Variants in SDC3 observed in about 807,000 individuals in gnomAD.
SDC3 encodes the protein syndecan-3.
SDC3 carries 13 observed loss-of-function variants against 24.4 expected under a neutral mutation model. The ratio of observed to expected loss-of-function variants is 0.53; its 90% CI spans 0.35 to 0.85. The LOEUF (loss-of-function observed/expected upper bound fraction) is 0.85, where lower values mean the gene tolerates loss of function less well. Among genes scored for constraint, SDC3 ranks in the 40% least tolerant of loss-of-function variants. SDC3 has a pLI of 0.01. For synonymous variants in SDC3, 295 were observed against 260.9 expected (o/e 1.13, Z -1.26); for missense variants, 571 against 584.5 (o/e 0.98, Z 0.24).
chr1:30,891,910 G>T (rs1472334468), intron 1 of SDC3, among the ~76,000 whole-genome samples: 1 of 151,070 alleles, frequency 6.6e-6, no homozygotes, highest in Non-Finnish European at 1.5e-5. Context: ...GCCTTAGACT[G>T]CCAGGCAGGG....
At position 30,874,499 on chromosome 1, in the gene SDC3, T is replaced by C. The variant is rs759033721; in HGVS notation, c.960A>G (p.Pro320=). 1.9e-6 allele frequency: 3 copies of C among 1,614,070 alleles called. No homozygotes were observed. The highest frequency in any genetic ancestry group is 1.7e-5 in the Admixed American group (1 of 60,012). Residue 320 remains proline (P), a synonymous_variant, in exon 4 of 5, where the codon CCA becomes CCG. Transcript: ENST00000339394. ...TGTCTGGTTGTGTGGTCTCTTCTTCTGGCAGCTCGAAGTCTCCACTGGGCC... is the reference window on the plus strand; with the variant it reads ...TGTCTGGTTGTGTGGTCTCTTCTTCCGGCAGCTCGAAGTCTCCACTGGGCC... The part of the protein sequence containing the change: ...SGGPSGDFEL[P]EEETTQPDTA...
chr1:30,873,539 C>T (rs1639579178), intron 4 of SDC3, among the ~76,000 whole-genome samples, 162 bp from the exon 5 acceptor site: 1 of 152,080 alleles, frequency 6.6e-6, no homozygotes, highest in African/African-American at 2.4e-5. Context: ...TGGGTACCAT[C>T]ATAGGCCTTC....
chr1:30,909,237 G>A (rs1234211716), upstream of SDC3, among the ~76,000 whole-genome samples: 1 of 152,212 alleles, frequency 6.6e-6, no homozygotes, highest in East Asian at 1.9e-4. Flanking sequence ...CAAGACCACG[G>A]GCTTTCATGC....
In SDC3 at chr1:30,873,244, C is replaced by T; in HGVS notation, c.1296G>A (p.Gln432=). The T allele has an allele frequency of 6.2e-7, 1 of 1,613,840 alleles. No homozygotes were observed. Among genetic ancestry groups the T allele is most frequent in the Non-Finnish European group, 8.5e-7 (1 of 1,179,744 alleles). The change falls in exon 5 of 5, where the codon CAG becomes CAA. Residue 432 remains glutamine, a synonymous_variant. Transcript: ENST00000339394. ...EEPKQASVTY[Q]KPDKQEEFYA ...AGAACTCCTCCTGCTTGTCAGGCTTCTGGTATGTGACGCTCGCCTGCTTGG... is the reference window on the plus strand; with the variant it reads ...AGAACTCCTCCTGCTTGTCAGGCTTTTGGTATGTGACGCTCGCCTGCTTGG...
intron 2 of SDC3, 42 bp downstream of exon 2, chr1:30,878,581 T>A (rs1219587440): frequency 6.6e-7 from 1 of 1,517,970 alleles, no homozygotes; most frequent in South Asian, 1.1e-5. Flanking sequence ...GGATACAGAC[T>A]GGTCACTGCC....
At chr1:30,874,137 G>A (rs1223759958) in intron 4 of SDC3, among the ~76,000 whole-genome samples, 160 bp downstream of exon 4, 1 of 152,154 alleles carries the variant, frequency 6.6e-6, no homozygotes, top group Admixed American at 6.5e-5. Context: ...CCAGAAGGCA[G>A]GTCCTGGGGG....
Position 30,877,084 on chromosome 1 carries a change from A to G in SDC3, c.338T>C (p.Val113Ala), listed in dbSNP as rs753197860. 5.6e-6 allele frequency: 9 copies of G among 1,613,738 alleles called. No homozygotes were observed. In the South Asian group the frequency reaches 9.9e-5, roughly 18 times the overall value. The change falls in exon 3 of 5, where the codon GTG (valine) becomes GCG (alanine). Residue 113 changes from valine to alanine, a missense_variant. By Grantham distance (64) the Val-to-Ala change is moderately conservative. Transcript: ENST00000339394. The stretch of plus-strand genomic sequence containing the variant: ...AGGCTGGATGTTCGTGGTGGGCAGC[A>G]CCGCAGGTGTGGTGGACACCGCCAG... ...VALAVSTTPA[V>A]LPTTNIQPVG...
intron 1 of SDC3, among the ~76,000 whole-genome samples, chr1:30,907,730 C>G (rs1037882362): frequency 6.6e-6 from 1 of 152,110 alleles, no homozygotes; most frequent in Non-Finnish European, 1.5e-5. Flanking sequence ...CCCCGCACCC[C>G]TCACTGAGTT....
At chr1:30,877,200 G>A (rs1466939688) in intron 2 of SDC3, 35 bp from the exon 3 acceptor site, 1 of 1,613,048 alleles carries the variant, frequency 6.2e-7, no homozygotes, top group East Asian at 2.2e-5. Flanking sequence ...GAGCTAGGGA[G>A]CTGGGTGGTT....
intron 3 of SDC3, among the ~76,000 whole-genome samples, chr1:30,875,350 C>T (rs1639620305): frequency 6.6e-6 from 1 of 152,216 alleles, no homozygotes; most frequent in Non-Finnish European, 1.5e-5. Context: ...GCACCTTCTC[C>T]TGGGCTCCGT....
intron 1 of SDC3, among the ~76,000 whole-genome samples, chr1:30,888,110 C>T (rs1276998857): frequency 6.6e-6 from 1 of 152,256 alleles, no homozygotes; most frequent in Non-Finnish European, 1.5e-5. Flanking sequence ...GCAGCCTTCA[C>T]TGAGCACACA....
At chr1:30,887,393 G>A (rs1570010019) in intron 1 of SDC3, among the ~76,000 whole-genome samples, 2 of 152,050 alleles carry the variant, frequency 1.3e-5, no homozygotes, top group African/African-American at 2.4e-5. Context: ...ACTGGGCCTC[G>A]CTCTGTCCTC....
chr1:30,907,728 C>A (rs1462423667), intron 1 of SDC3, among the ~76,000 whole-genome samples: 1 of 152,088 alleles, frequency 6.6e-6, no homozygotes, highest in East Asian at 1.9e-4. Context: ...GTCCCCGCAC[C>A]CCTCACTGAG....
chr1:30,891,863 A>AG (rs1340155099), intron 1 of SDC3, among the ~76,000 whole-genome samples: 1 of 151,418 alleles, frequency 6.6e-6, no homozygotes, highest in Non-Finnish European at 1.5e-5. Context: ...AAAAAAAAAA[A>AG]AAAGAGGAAG....
chr1:30,883,001 C>T (rs1253999736), intron 1 of SDC3, among the ~76,000 whole-genome samples: 5 of 152,174 alleles, frequency 3.3e-5, no homozygotes, highest in East Asian at 3.8e-4. Context: ...AGTGTAGCCA[C>T]GATTGCTGTT....
intron 1 of SDC3, among the ~76,000 whole-genome samples, chr1:30,896,763 A>C (rs1202821872): frequency 6.6e-6 from 1 of 152,138 alleles, no homozygotes; most frequent in Non-Finnish European, 1.5e-5. Flanking sequence ...GTAGTTCGAA[A>C]CCAGCCTGGC....
rs531087387 is a variant in SDC3 at position 30,893,214 on chromosome 1, A to G, written c.139-14474T>C. On this transcript the variant is annotated intron_variant, in intron 1 of 4. Coordinates refer to ENST00000339394, the MANE Select transcript of SDC3 (RefSeq NM_014654.4). Reference sequence around the variant, plus strand: ...TCTCTGTGCACCTCCACGGTGCCCCAGGCAGTGTGGAATGTTCCTCCCTCC... The same window carrying G: ...TCTCTGTGCACCTCCACGGTGCCCCGGGCAGTGTGGAATGTTCCTCCCTCC... Among the ~76,000 whole-genome samples the G allele has an allele frequency of 2.2e-3, 329 of 147,732 alleles. 3 individuals are homozygous for G. The highest frequency in any genetic ancestry group is 7.8e-3 in the African/African-American group (314 of 40,200).
chr1:30,890,015 A>G (rs901143330), intron 1 of SDC3, among the ~76,000 whole-genome samples: 1 of 152,236 alleles, frequency 6.6e-6, no homozygotes, highest in Non-Finnish European at 1.5e-5. Context: ...AAAAGAAAAA[A>G]AAACTAATAC....
intron 3 of SDC3, among the ~76,000 whole-genome samples, 162 bp from the exon 4 acceptor site, chr1:30,874,750 C>T (rs1332760246): frequency 6.6e-6 from 1 of 152,238 alleles, no homozygotes; most frequent in East Asian, 1.9e-4. Flanking sequence ...CCCCAGTTTA[C>T]AGAGCAGGAA....
Sources: allele counts gnomAD v4.1 joint callset (sites outside exome capture counted in the v4.1 genomes callset), GRCh38; gene constraint gnomAD v4.1.1; transcripts MANE v1.5; gene names NCBI Gene and HGNC (gene_info 2026-07-23, HGNC 2026-07-21).